GRAMD2B: variants seen among roughly 807,000 people sequenced by gnomAD.
GRAMD2B encodes the protein GRAM domain-containing protein 2B.
A neutral mutation model predicts 59.2 loss-of-function variants in GRAMD2B; 41 were observed. That is an observed-to-expected ratio of 0.69 (90% CI 0.54 to 0.90). The LOEUF (loss-of-function observed/expected upper bound fraction) is 0.90, where lower values mean the gene tolerates loss of function less well. Among genes scored for constraint, GRAMD2B ranks in the 40% least tolerant of loss-of-function variants. The pLI is 0.00. For synonymous variants in GRAMD2B, 161 were observed against 182.7 expected (o/e 0.88, Z 0.96); for missense variants, 424 against 500.5 (o/e 0.85, Z 1.46).
At chr5:126,379,438 A>G (rs1755475182) in intron 1 of GRAMD2B, among the ~76,000 whole-genome samples, 1 of 152,150 alleles carries the variant, frequency 6.6e-6, no homozygotes, top group South Asian at 2.1e-4. Context: ...GGACTGCTGG[A>G]TCAAATGGTA....
intron 1 of GRAMD2B, among the ~76,000 whole-genome samples, chr5:126,404,383 C>T (rs1308255447): frequency 1.3e-5 from 2 of 151,852 alleles, no homozygotes; most frequent in Non-Finnish European, 2.9e-5. Context: ...TTACCTTAGA[C>T]CAGTTTGCAT....
intron 13 of GRAMD2B, among the ~76,000 whole-genome samples, chr5:126,489,884 G>A (rs1165339067): frequency 6.6e-6 from 1 of 152,048 alleles, no homozygotes; most frequent in Non-Finnish European, 1.5e-5. Context: ...TGCTTACTTG[G>A]GAAGACATAT....
chr5:126,408,730 G>A (rs1407702174), intron 1 of GRAMD2B, among the ~76,000 whole-genome samples: 6 of 148,392 alleles, frequency 4.0e-5, no homozygotes. Flanking sequence ...GGGTACATGT[G>A]CACAATGTGC....
chr5:126,430,416 T>C (rs1382955387), intron 1 of GRAMD2B, among the ~76,000 whole-genome samples: 3 of 152,178 alleles, frequency 2.0e-5, no homozygotes, highest in Non-Finnish European at 4.4e-5. Context: ...ATTCCATGAC[T>C]CTTAGTAACA....
At position 126,383,534 on chromosome 5, in the gene GRAMD2B, C is replaced by T. The variant is rs141077094; in HGVS notation, c.125+11967C>T. 2.3e-4 allele frequency among the ~76,000 whole-genome samples: 35 copies of T among 152,208 alleles called. No homozygotes were observed. The East Asian group carries it at 6.2e-3, about 27-fold the overall frequency. On this transcript the variant is annotated intron_variant, in intron 1 of 8. Coordinates refer to the GRAMD2B transcript ENST00000506445. ...TTTTTATAGGCATTACTTTATAAAC[C>T]TTGCTGGCCTTTCACTGTGGTAGAT...
At chr5:126,426,168 A>T (rs192597319) in intron 1 of GRAMD2B, among the ~76,000 whole-genome samples, 44 of 152,168 alleles carry the variant, frequency 2.9e-4, no homozygotes, top group African/African-American at 9.4e-4. Context: ...AAAATAATTT[A>T]AAAATATATT....
intron 1 of GRAMD2B, among the ~76,000 whole-genome samples, chr5:126,463,476 C>T (rs985336953): frequency 5.3e-5 from 8 of 152,198 alleles, no homozygotes; most frequent in African/African-American, 1.7e-4. Context: ...ACAAATTAAA[C>T]TTGGTGCTAA....
At chr5:126,393,607 T>C (rs1301374053) in intron 1 of GRAMD2B, among the ~76,000 whole-genome samples, 2 of 152,152 alleles carry the variant, frequency 1.3e-5, no homozygotes, top group Non-Finnish European at 2.9e-5. Flanking sequence ...TGGTCAATTA[T>C]CTTGAACCTC....
intron 1 of GRAMD2B, among the ~76,000 whole-genome samples, chr5:126,430,467 C>T (rs1479224981): frequency 6.6e-6 from 1 of 152,132 alleles, no homozygotes; most frequent in African/African-American, 2.4e-5. Flanking sequence ...AGTTTAAGAA[C>T]ATTTTCATCC....
chr5:126,404,975 A>C (rs1470470930), intron 1 of GRAMD2B, among the ~76,000 whole-genome samples: 42 of 151,966 alleles, frequency 2.8e-4, no homozygotes, highest in Admixed American at 2.7e-3. Flanking sequence ...TACACTGAGG[A>C]AACCAAAGCT....
chr5:126,379,734 G>A (rs894914689), intron 1 of GRAMD2B, among the ~76,000 whole-genome samples: 6 of 152,066 alleles, frequency 3.9e-5, no homozygotes, highest in African/African-American at 1.4e-4. Flanking sequence ...CATGTCCTTA[G>A]CCCACTTTTT....
chr5:126,424,862 A>G (rs996056667), intron 1 of GRAMD2B, among the ~76,000 whole-genome samples: 9 of 152,366 alleles, frequency 5.9e-5, no homozygotes, highest in South Asian at 2.1e-4. Context: ...AAGCTCTGAG[A>G]AGCTAAGCAG....
chr5:126,424,314 GGTT>G (rs1760204847), intron 1 of GRAMD2B, among the ~76,000 whole-genome samples: 1 of 152,064 alleles, frequency 6.6e-6, no homozygotes, highest in Non-Finnish European at 1.5e-5. Context: ...TGGGAGGAGA[GGTT>G]GTTTTTTTCC....
intron 3 of GRAMD2B, 28 bp downstream of exon 3, chr5:126,469,816 CT>C: frequency 6.6e-7 from 1 of 1,523,670 alleles, no homozygotes; most frequent in Non-Finnish European, 9.1e-7. Flanking sequence ...TTTGTATTGT[CT>C]TAGAGGGTGA....
At chr5:126,435,304 T>TCC (rs1762227907) in intron 1 of GRAMD2B, among the ~76,000 whole-genome samples, 1 of 152,242 alleles carries the variant, frequency 6.6e-6, no homozygotes, top group Non-Finnish European at 1.5e-5. Context: ...AGGCGCTGTT[T>TCC]GAAGCGAGGT....
upstream of GRAMD2B, among the ~76,000 whole-genome samples, chr5:126,418,845 A>G (rs1759475334): frequency 6.6e-6 from 1 of 151,760 alleles, no homozygotes; most frequent in South Asian, 2.1e-4. Context: ...CCTTTTTCCT[A>G]TTTTCTTCTT....
At chr5:126,465,389 G>C (rs1243491589) in intron 1 of GRAMD2B, 37 bp from the exon 2 acceptor site, 2 of 1,612,242 alleles carry the variant, frequency 1.2e-6, no homozygotes, top group African/African-American at 1.3e-5. Context: ...ACCTCTCTCT[G>C]AATGTCTAAA....
intron 5 of GRAMD2B, 88 bp from the exon 6 acceptor site, chr5:126,477,604 C>CT (rs1770866749): frequency 4.0e-5 from 33 of 821,226 alleles, no homozygotes; most frequent in Non-Finnish European, 5.1e-5. Context: ...TTCTGTTTAC[C>CT]TTTTTTTTCT....
At chr5:126,485,171 T>A (rs1273211114) in intron 10 of GRAMD2B, among the ~76,000 whole-genome samples, 1 of 151,880 alleles carries the variant, frequency 6.6e-6, no homozygotes, top group Non-Finnish European at 1.5e-5. Flanking sequence ...CTGGGCAACA[T>A]AGTGAGACCC....
Sources: gnomAD v4.1 joint callset for allele counts (sites outside exome capture counted in the v4.1 genomes callset) on GRCh38, gnomAD v4.1.1 for gene constraint, MANE v1.5 for transcripts, NCBI Gene and HGNC (gene_info 2026-07-23, HGNC 2026-07-21) for gene names.